The following CDHR1 variants were observed in gnomAD, a reference collection of about 807,000 sequenced individuals.
CDHR1 encodes the protein cadherin-related family member 1.
Under a neutral mutation model 72.1 loss-of-function variants are expected in CDHR1, and 61 were observed. That is an observed-to-expected ratio of 0.85 (90% CI 0.69 to 1.05). CDHR1 has a LOEUF of 1.05. Ranked by LOEUF, CDHR1 falls within the 50% of genes least tolerant of loss-of-function variation. The pLI, the probability that CDHR1 is intolerant of heterozygous loss-of-function variation, is 0.00. For synonymous variants in CDHR1, 470 were observed against 448.1 expected (o/e 1.05, Z -0.62); for missense variants, 1,186 against 1,115.7 (o/e 1.06, Z -0.90).
At chr10:84,196,921 T>G (rs1030229325) in intron 3 of CDHR1, among the ~76,000 whole-genome samples, 1 of 152,164 alleles carries the variant, frequency 6.6e-6, no homozygotes, top group Non-Finnish European at 1.5e-5. Flanking sequence ...CATGTTCCAT[T>G]AAAAATAAAT....
At chr10:84,197,943 G>C (rs1842057532) in intron 4 of CDHR1, 107 bp downstream of exon 4, 1 of 1,091,620 alleles carries the variant, frequency 9.2e-7, no homozygotes, top group African/African-American at 1.5e-5. Flanking sequence ...TTTTCTGCAA[G>C]TTTAAGCTAG....
At chr10:84,219,353 A>G, downstream of CDHR1, 1 of 1,526,760 alleles carries the variant, frequency 6.5e-7, no homozygotes, top group South Asian at 1.2e-5. Flanking sequence ...GAAGCAACTG[A>G]ATACTTCCCT....
rs749414628 is a variant in CDHR1 at position 84,196,506 on chromosome 10, C to T, written c.153C>T (p.Gly51=). The change falls in exon 3 of 17, where the codon GGC becomes GGT. Residue 51 remains glycine, a splice_region_variant and synonymous_variant. Coordinates refer to ENST00000623527, the MANE Select transcript of CDHR1 (RefSeq NM_033100.4). The part of the protein sequence containing the change: ...LFSLPEDTPV[G]SHVYTLNGTD... ...TCTCTCCACTGTGTTTCCTTCCAGG[C>T]TCTCACGTATACACCCTGAATGGGA... 9 of 1,614,084 alleles carry T rather than the reference C, an allele frequency of 5.6e-6. No individual in the cohort carries two copies. Among genetic ancestry groups the T allele is most frequent in the African/African-American group, 1.3e-5 (1 of 74,936 alleles).
intron 2 of CDHR1, 84 bp from the exon 3 acceptor site, chr10:84,196,421 C>A: frequency 6.9e-7 from 1 of 1,449,602 alleles, no homozygotes; most frequent in Non-Finnish European, 9.7e-7. Context: ...TTATAAACAG[C>A]TGAATCGTTG....
At chr10:84,203,599 G>A (rs1842171010) in intron 8 of CDHR1, among the ~76,000 whole-genome samples, 1 of 152,042 alleles carries the variant, frequency 6.6e-6, no homozygotes, top group African/African-American at 2.4e-5. Context: ...TATTTTTAGT[G>A]GAGAAGGGGT....
chr10:84,213,880 A>G (rs1201872023), intron 16 of CDHR1, among the ~76,000 whole-genome samples: 1 of 152,120 alleles, frequency 6.6e-6, no homozygotes, highest in East Asian at 1.9e-4. Flanking sequence ...GTCTGCGTGC[A>G]TTTTTCTGGA....
rs1842397716 is a variant in CDHR1, at chr10:84,214,603, C to T, written c.2562C>T (p.His854=). The change falls in exon 17 of 17, where the codon CAC becomes CAT. Residue 854 remains histidine, a synonymous_variant. Transcript: ENST00000623527. ...LKQKFEKKSV[H]NKAYF ...AAAAGTTTGAGAAGAAGAGTGTGCA[C>T]AACAAGGCTTACTTCTAGTGTATGC... 1 of 1,599,750 alleles carries T rather than the reference C, an allele frequency of 6.3e-7. No homozygotes were observed. Among genetic ancestry groups the T allele is most frequent in the African/African-American group, 1.3e-5 (1 of 74,904 alleles).
intron 1 of CDHR1, among the ~76,000 whole-genome samples, 194 bp from the exon 2 acceptor site, chr10:84,195,300 G>T (rs542781964): frequency 6.6e-6 from 1 of 152,350 alleles, no homozygotes; most frequent in East Asian, 1.9e-4. Flanking sequence ...AGCCCACCGG[G>T]GGCGGAGTGG....
rs1331362908 is a variant in CDHR1 at position 84,217,146 on chromosome 10, G to A, written c.*2525G>A. 5 of 985,484 alleles carry A rather than the reference G, an allele frequency of 5.1e-6. No homozygotes were observed. The highest frequency in any genetic ancestry group is 4.7e-5 in the South Asian group (1 of 21,302). 61.0% of individuals were successfully genotyped at this position (985,484 alleles called of 1,614,324 possible). On this transcript the variant is annotated 3_prime_UTR_variant, in exon 17 of 17. Coordinates refer to ENST00000623527, the MANE Select transcript of CDHR1 (RefSeq NM_033100.4). ...TGTTGTCAGCACTGGAGGAGACCCC[G>A]CCAGTGGGGTGAGGCCAGCCAAGTC...
rs1469163992 is a variant in CDHR1, at chr10:84,202,933, C to A, written c.640-47C>A. Reference sequence around the variant, plus strand: ...TTTTCACGGATTCTGTCCAATTCCACATCTCAACTTGTCTTCACTCTCCTG... The same window carrying A: ...TTTTCACGGATTCTGTCCAATTCCAAATCTCAACTTGTCTTCACTCTCCTG... On this transcript the variant is annotated intron_variant, in intron 7 of 16. Coordinates refer to ENST00000623527, the MANE Select transcript of CDHR1 (RefSeq NM_033100.4). The A allele has an allele frequency of 1.9e-6, 3 of 1,612,708 alleles. No individual in the cohort carries two copies. In the Admixed American group the frequency reaches 5.0e-5, roughly 27 times the overall value.
intron 16 of CDHR1, among the ~76,000 whole-genome samples, chr10:84,213,809 G>A (rs1378965899): frequency 6.6e-6 from 1 of 152,158 alleles, no homozygotes; most frequent in East Asian, 1.9e-4. Context: ...TCCAAAAGAG[G>A]TTGCTCGCAT....
In CDHR1 at chr10:84,217,710, C is replaced by A. The variant is rs1371791351; in HGVS notation, c.*3089C>A. The stretch of plus-strand genomic sequence containing the variant: ...GACCCCCTCCATGCATCCTCACCCC[C>A]CAGGATGTTTCCACCCACCTGTAGG... On this transcript the variant is annotated 3_prime_UTR_variant, in exon 17 of 17. Coordinates refer to ENST00000623527, the MANE Select transcript of CDHR1 (RefSeq NM_033100.4). 2.0e-6 allele frequency: 2 copies of A among 985,424 alleles called. No individual in the cohort carries two copies. Among genetic ancestry groups the A allele is most frequent in the African/African-American group, 1.7e-5 (1 of 57,248 alleles). The allele number at this position is 985,424 out of a possible 1,614,324, so 61.0% of individuals were successfully genotyped here. A position where few individuals can be genotyped will look rare whatever the true frequency, so the allele number is the denominator to read the frequency against.
rs1415351464 is a variant in CDHR1 at position 84,216,311 on chromosome 10, G to T, written c.*1690G>T. ...TGCCAGTGTGCAGAATCCTTGCTGG[G>T]GTTTCTACAGTCCCCAACGTGAACA... On this transcript the variant is annotated 3_prime_UTR_variant, in exon 17 of 17. Coordinates refer to ENST00000623527, the MANE Select transcript of CDHR1 (RefSeq NM_033100.4). 4.1e-6 allele frequency: 4 copies of T among 985,470 alleles called. No individual in the cohort carries two copies. The highest frequency in any genetic ancestry group is 3.6e-6 in the Non-Finnish European group (3 of 829,954). The allele number at this position is 985,470 out of a possible 1,614,324, so 61.0% of individuals were successfully genotyped here.
At chr10:84,211,272 C>CT in intron 13 of CDHR1, 107 bp downstream of exon 13, 1 of 1,220,536 alleles carries the variant, frequency 8.2e-7, no homozygotes, top group South Asian at 1.3e-5. Context: ...CACTCATTAG[C>CT]TGTCCTTGGA....
rs906356521 is a variant in CDHR1 at position 84,216,566 on chromosome 10, G to C, written c.*1945G>C. ...CTCCCTGCTTTCATTTATGTTTGCT[G>C]ACCTGTGGAGACCAGTCTTTCTGAC... is the stretch of plus-strand genomic sequence containing the variant. On this transcript the variant is annotated 3_prime_UTR_variant, in exon 17 of 17. Transcript: ENST00000623527. 6.1e-6 allele frequency: 6 copies of C among 985,382 alleles called. No homozygotes were observed. In the African/African-American group the frequency reaches 1.0e-4, roughly 17 times the overall value. The allele number at this position is 985,382 out of a possible 1,614,324, so 61.0% of individuals were successfully genotyped here. A position where few individuals can be genotyped will look rare whatever the true frequency, so the allele number is the denominator to read the frequency against.
rs1249507043 is a variant in CDHR1, at chr10:84,208,944, T to C, written c.1320+63T>C. On this transcript the variant is annotated intron_variant, in intron 12 of 16. Transcript: ENST00000623527. ...GGTCCCAGGAATTCATACCAGCATC[T>C]TGGTTCATTCCTGAGGGGTCTCTTG... 4 of 1,550,220 alleles carry C rather than the reference T, an allele frequency of 2.6e-6. No individual in the cohort carries two copies. In the African/African-American group the frequency reaches 5.4e-5, roughly 21 times the overall value.
chr10:84,215,276 G>A lies in CDHR1; in HGVS notation c.*655G>A. The A allele has an allele frequency of 1.0e-6, 1 of 989,130 alleles. No individual in the cohort carries two copies. The highest frequency in any genetic ancestry group is 4.6e-5 in the South Asian group (1 of 21,562). 61.3% of individuals were successfully genotyped at this position (989,130 alleles called of 1,614,324 possible). A position where few individuals can be genotyped will look rare whatever the true frequency, so the allele number is the denominator to read the frequency against. On this transcript the variant is annotated 3_prime_UTR_variant, in exon 17 of 17. Coordinates refer to ENST00000623527, the MANE Select transcript of CDHR1 (RefSeq NM_033100.4). ...CCCTGGTATGCCCACGTGGGACAGA[G>A]GACACAGAGGTGGAAGATTGATCTT...
chr10:84,195,493 G>A lies in CDHR1; in HGVS notation c.56-1G>A, dbSNP rs751972593. On this transcript the variant is annotated splice_acceptor_variant, in intron 1 of 16. Coordinates refer to ENST00000623527, the MANE Select transcript of CDHR1 (RefSeq NM_033100.4). LOFTEE classifies it high-confidence loss of function. ...CCGTCTGTTCTGTGTTCTTTTTCCA[G>A]CTCAGGCCAACTTCGCCCCGCACTT... 6 of 1,613,698 alleles carry A rather than the reference G, an allele frequency of 3.7e-6. No homozygotes were observed. The highest frequency in any genetic ancestry group is 3.3e-5 in the Admixed American group (2 of 59,996).
Position 84,216,044 on chromosome 10 carries a change from C to T in CDHR1, c.*1423C>T, listed in dbSNP as rs924618281. On this transcript the variant is annotated 3_prime_UTR_variant, in exon 17 of 17. Transcript: ENST00000623527. ...CTTATCAGCTTGTGACAACCTTCCCCAGGACAGAAGTCATACAAGGCCTCT... is the reference window on the plus strand; with the variant it reads ...CTTATCAGCTTGTGACAACCTTCCCTAGGACAGAAGTCATACAAGGCCTCT... The T allele has an allele frequency of 1.0e-6, 1 of 985,350 alleles. No individual in the cohort carries two copies. The highest frequency in any genetic ancestry group is 1.7e-5 in the African/African-American group (1 of 57,244). 61.0% of individuals were successfully genotyped at this position (985,350 alleles called of 1,614,324 possible).
Sources: allele counts gnomAD v4.1 joint callset (sites outside exome capture counted in the v4.1 genomes callset), GRCh38; gene constraint gnomAD v4.1.1; transcripts MANE v1.5; gene names NCBI Gene and HGNC (gene_info 2026-07-23, HGNC 2026-07-21).